The following YY1 variants were observed in gnomAD, a reference collection of about 807,000 sequenced individuals.
YY1 encodes transcriptional repressor protein YY1.
Under a neutral mutation model 35.6 loss-of-function variants are expected in YY1, and 2 were observed. The observed-to-expected ratio is 0.06, with a 90% CI of 0.02 to 0.18. The LOEUF (loss-of-function observed/expected upper bound fraction) is 0.18, where lower values mean the gene tolerates loss of function less well. Ranked by LOEUF, YY1 falls within the 10% of genes least tolerant of loss-of-function variation. The probability of loss-of-function intolerance (pLI) is 1.00; values close to 1 mark genes in which losing one functional copy is unlikely to be tolerated. For missense variants in YY1, 322 were observed against 573.4 expected, an observed-to-expected ratio of 0.56 and a Z score of 4.48; for synonymous variants, 268 against 238.9, an observed-to-expected ratio of 1.12 and a Z score of -1.12.
At position 100,279,169 on chromosome 14, in the gene YY1, A is replaced by G. The variant is rs1891373324; in HGVS notation, c.*1569A>G. ...CTTAGGTCAAATAACAGACTTGAGA[A>G]TACTTTATAAACTGCCATGATACAG... On this transcript the variant is annotated 3_prime_UTR_variant, in exon 5 of 5. Transcript: ENST00000262238. 1 of 152,240 alleles carries G rather than the reference A, an allele frequency of 6.6e-6. No homozygotes were observed. The highest frequency in any genetic ancestry group is 1.5e-5 in the Non-Finnish European group (1 of 68,040). The allele number at this position is 152,240 out of a possible 1,614,324, so 9.4% of individuals were successfully genotyped here. A position where few individuals can be genotyped will look rare whatever the true frequency, so the allele number is the denominator to read the frequency against.
chr14:100,269,318 G>A (rs956237428), intron 2 of YY1, among the ~76,000 whole-genome samples: 1 of 152,182 alleles, frequency 6.6e-6, no homozygotes, highest in East Asian at 1.9e-4. Context: ...CCTTTTTACA[G>A]AATAAGAAAC....
chr14:100,276,696 A>T lies in YY1; in HGVS notation c.1062+48A>T, dbSNP rs150313186. On this transcript the variant is annotated intron_variant, in intron 4 of 4. Coordinates refer to ENST00000262238, the MANE Select transcript of YY1 (RefSeq NM_003403.5). This position sits in a 1 kb window ranked among gnomAD's most constrained non-coding sequence, Gnocchi z 4.1. ...CCCACACTGCCTTGCCTGTCTGAAC[A>T]CTGCAAGTGTAGGTGGTGTGGTGAT... 588 of 1,613,202 alleles carry T rather than the reference A, an allele frequency of 3.6e-4. 5 individuals carry two copies. In the East Asian group the frequency reaches 0.012, roughly 33 times the overall value.
At chr14:100,256,175 TCA>T (rs1476457499) in intron 1 of YY1, among the ~76,000 whole-genome samples, 1 of 152,210 alleles carries the variant, frequency 6.6e-6, no homozygotes, top group African/African-American at 2.4e-5. Context: ...CCAGTGATTC[TCA>T]CAGATTACGA....
At chr14:100,252,672 T>G (rs1398877391) in intron 1 of YY1, among the ~76,000 whole-genome samples, 1 of 152,248 alleles carries the variant, frequency 6.6e-6, no homozygotes, top group African/African-American at 2.4e-5. Flanking sequence ...TTCTGAGATT[T>G]GGCTTTAATT....
In YY1 at chr14:100,239,193, C is replaced by T; in HGVS notation, c.-52C>T. On this transcript the variant is annotated 5_prime_UTR_variant, in exon 1 of 5. Transcript: ENST00000262238. The stretch of plus-strand genomic sequence containing the variant: ...GCCGGCCGCCTCCTCGCCCGCCCGC[C>T]CGCAGCCGAGGAGCCGAGGCCGCCG... 2 of 1,370,480 alleles carry T rather than the reference C, an allele frequency of 1.5e-6. No homozygotes were observed. Among genetic ancestry groups the T allele is most frequent in the Non-Finnish European group, 9.3e-7 (1 of 1,069,920 alleles). The allele number at this position is 1,370,480 out of a possible 1,614,324, so 84.9% of individuals were successfully genotyped here.
intron 1 of YY1, among the ~76,000 whole-genome samples, chr14:100,250,797 A>C (rs1239900007): frequency 6.6e-6 from 1 of 150,740 alleles, no homozygotes; most frequent in Non-Finnish European, 1.5e-5. Context: ...GGAGTTTGAG[A>C]CCAACCTGGG....
At chr14:100,251,509 A>G (rs540354875) in intron 1 of YY1, among the ~76,000 whole-genome samples, 74 of 152,294 alleles carry the variant, frequency 4.9e-4, no homozygotes, top group African/African-American at 1.7e-3. Flanking sequence ...TACAGTGGTA[A>G]TAGGAAACTA....
At chr14:100,251,061 TG>T (rs1478639447) in intron 1 of YY1, among the ~76,000 whole-genome samples, 1 of 152,020 alleles carries the variant, frequency 6.6e-6, no homozygotes, top group Non-Finnish European at 1.5e-5. Flanking sequence ...ATTGACTAAC[TG>T]GTTGACTGGT....
chr14:100,241,990 G>GGGGC (rs775874424), intron 1 of YY1, among the ~76,000 whole-genome samples: 2 of 120,832 alleles, frequency 1.7e-5, no homozygotes, highest in African/African-American at 3.0e-5. Context: ...GGGGGGGGGG[G>GGGGC]CATTTTTTTT....
chr14:100,274,866 G>A (rs538656433), intron 3 of YY1, 108 bp downstream of exon 3: 34 of 1,118,732 alleles, frequency 3.0e-5, no homozygotes, highest in South Asian at 1.1e-4. Context: ...AATGAAGCAA[G>A]GAATTAGAAT....
chr14:100,260,723 G>C (rs1484096210), intron 1 of YY1, among the ~76,000 whole-genome samples: 1 of 141,910 alleles, frequency 7.0e-6, no homozygotes, highest in Non-Finnish European at 1.5e-5. Flanking sequence ...CACCTGCCTC[G>C]GCCTCCCAAA....
Position 100,279,222 on chromosome 14 carries a change from C to T in YY1, c.*1622C>T, listed in dbSNP as rs1228248167. On this transcript the variant is annotated 3_prime_UTR_variant, in exon 5 of 5. Coordinates refer to ENST00000262238, the MANE Select transcript of YY1 (RefSeq NM_003403.5). ...AAATCTCATTTATTCAAAGTGCAAA[C>T]ATACTGTGTGTCTTTCTGTTTTGTG... is the stretch of plus-strand genomic sequence containing the variant. 2 of 152,216 alleles carry T rather than the reference C, an allele frequency of 1.3e-5. No individual in the cohort carries two copies. The highest frequency in any genetic ancestry group is 2.9e-5 in the Non-Finnish European group (2 of 68,042). 9.4% of individuals were successfully genotyped at this position (152,216 alleles called of 1,614,324 possible). A position where few individuals can be genotyped will look rare whatever the true frequency, so the allele number is the denominator to read the frequency against.
intron 1 of YY1, among the ~76,000 whole-genome samples, chr14:100,259,166 C>T (rs74085016): frequency 0.03 from 4,559 of 152,224 alleles, 255 homozygotes; most frequent in African/African-American, 0.1. Context: ...TTTCGGAGTA[C>T]CTATTTCTAA....
In YY1 at chr14:100,256,928, G is replaced by A. The variant is rs901427892; in HGVS notation, c.680-5376G>A. 4.6e-5 allele frequency among the ~76,000 whole-genome samples: 7 copies of A among 151,908 alleles called. No homozygotes were observed. In the South Asian group the frequency reaches 8.3e-4, roughly 18 times the overall value. ...TGGATTTGGCCAACTGGCTGTACTA[G>A]TTGATTCCTGATATAGGTCATAAAG... On this transcript the variant is annotated intron_variant, in intron 1 of 4. Coordinates refer to ENST00000262238, the MANE Select transcript of YY1 (RefSeq NM_003403.5).
Position 100,280,080 on chromosome 14 carries a change from A to C in YY1, c.*2480A>C, listed in dbSNP as rs981960491. 2 of 152,260 alleles carry C rather than the reference A, an allele frequency of 1.3e-5. No homozygotes were observed. Among genetic ancestry groups the C allele is most frequent in the African/African-American group, 4.8e-5 (2 of 41,466 alleles). The allele number at this position is 152,260 out of a possible 1,614,324, so 9.4% of individuals were successfully genotyped here. ...AGGAGTTTAATCTGGGGTTCCAAGA[A>C]AACAAGTTCCTTGTTAACATAGCAC... On this transcript the variant is annotated 3_prime_UTR_variant, in exon 5 of 5. Coordinates refer to ENST00000262238, the MANE Select transcript of YY1 (RefSeq NM_003403.5).
At chr14:100,246,555 C>T (rs61992935) in intron 1 of YY1, among the ~76,000 whole-genome samples, 7,388 of 152,304 alleles carry the variant, frequency 0.049, 202 homozygotes, top group African/African-American at 0.06. Context: ...AAATAATAAT[C>T]ATTATTCTGT....
At chr14:100,275,445 G>T (rs546737207) in intron 3 of YY1, among the ~76,000 whole-genome samples, 1 of 152,176 alleles carries the variant, frequency 6.6e-6, no homozygotes, top group South Asian at 2.1e-4. Context: ...CTTTGTCAGC[G>T]TTCTTGATGT....
At position 100,278,276 on chromosome 14, in the gene YY1, A is replaced by C. The variant is rs1891354527; in HGVS notation, c.*676A>C. Reference sequence around the variant, plus strand: ...TATTAGATGTGATTTAATAGTGTTAATCAATTTAAACCCATTTTAGTCACT... The same window carrying C: ...TATTAGATGTGATTTAATAGTGTTACTCAATTTAAACCCATTTTAGTCACT... On this transcript the variant is annotated 3_prime_UTR_variant, in exon 5 of 5. Transcript: ENST00000262238. The C allele has an allele frequency of 1.3e-5, 2 of 152,636 alleles. No homozygotes were observed. The highest frequency in any genetic ancestry group is 4.1e-4 in the South Asian group (2 of 4,838). 9.5% of individuals were successfully genotyped at this position (152,636 alleles called of 1,614,324 possible).
chr14:100,240,515 G>T (rs375872101), intron 1 of YY1, among the ~76,000 whole-genome samples: 2 of 106,462 alleles, frequency 1.9e-5, no homozygotes, highest in Non-Finnish European at 3.9e-5. Flanking sequence ...AGAAGGAGGG[G>T]GCTTGGCACT....
Sources: allele counts gnomAD v4.1 joint callset (sites outside exome capture counted in the v4.1 genomes callset), GRCh38; gene constraint gnomAD v4.1.1; non-coding constraint Gnocchi (gnomAD v3.1); transcripts MANE v1.5; gene names NCBI Gene and HGNC (gene_info 2026-07-23, HGNC 2026-07-21).